Variants in GOT1L1 observed in about 807,000 individuals in gnomAD.
GOT1L1 encodes aspartate aminotransferase, cytoplasmic 2.
Under a neutral mutation model 43.6 loss-of-function variants are expected in GOT1L1, and 38 were observed. The observed-to-expected ratio is 0.87, with a 90% CI of 0.67 to 1.14. The LOEUF is 1.14. GOT1L1 is among the 50% of genes most tolerant of loss of function. The pLI, the probability that GOT1L1 is intolerant of heterozygous loss-of-function variation, is 0.00. For missense variants in GOT1L1, 482 were observed against 504.0 expected (o/e 0.96, Z 0.42); for synonymous variants, 183 against 187.2 (o/e 0.98, Z 0.18).
In GOT1L1 at chr8:37,937,468, G is replaced by A. The variant is rs544994662; in HGVS notation, c.410-82C>T. ...GAGGTACTGGAGTGTGGGGCTGAGA[G>A]TCACTGGCTGAAGGTGGGACATTAA... On this transcript the variant is annotated intron_variant, in intron 3 of 8. Coordinates refer to ENST00000307599, the MANE Select transcript of GOT1L1 (RefSeq NM_152413.3). 72 of 1,052,336 alleles carry A rather than the reference G, an allele frequency of 6.8e-5. No individual in the cohort carries two copies. In the South Asian group the frequency reaches 1.0e-3, roughly 15 times the overall value. The allele number at this position is 1,052,336 out of a possible 1,614,324, so 65.2% of individuals were successfully genotyped here.
chr8:37,935,261 G>A, intron 7 of GOT1L1, 46 bp from the exon 8 acceptor site: 3 of 1,529,272 alleles, frequency 2.0e-6, no homozygotes, highest in Non-Finnish European at 2.6e-6. Context: ...GGTCCCCCTT[G>A]CCCTCAAACC....
At chr8:37,935,043 A>AG (rs770053346) in intron 8 of GOT1L1, 30 bp downstream of exon 8, 5 of 1,612,166 alleles carry the variant, frequency 3.1e-6, no homozygotes, top group Non-Finnish European at 4.2e-6. Flanking sequence ...AAGGTCAGAA[A>AG]GGGGGGACAC....
At chr8:37,937,877 C>G (rs1047253766) in intron 2 of GOT1L1, 128 bp from the exon 3 acceptor site, 7 of 627,742 alleles carry the variant, frequency 1.1e-5, no homozygotes, top group African/African-American at 1.8e-5. Context: ...CCCGTATCTA[C>G]TAAAAATACA....
intron 6 of GOT1L1, 113 bp downstream of exon 6, chr8:37,936,607 T>A: frequency 2.2e-6 from 2 of 923,852 alleles, no homozygotes; most frequent in Non-Finnish European, 3.3e-6. Flanking sequence ...TCTATAGTGC[T>A]CTCCCTAGAG....
chr8:37,936,532 G>A (rs137995056), intron 6 of GOT1L1, among the ~76,000 whole-genome samples, 188 bp downstream of exon 6: 5 of 152,102 alleles, frequency 3.3e-5, no homozygotes, highest in Non-Finnish European at 7.4e-5. Context: ...GCCAAGCTGG[G>A]TTGGGTTCTG....
At chr8:37,935,543 G>A (rs1482459546) in intron 7 of GOT1L1, among the ~76,000 whole-genome samples, 161 bp downstream of exon 7, 2 of 152,148 alleles carry the variant, frequency 1.3e-5, no homozygotes, top group Admixed American at 6.5e-5. Flanking sequence ...CATAGCCACC[G>A]CCATTGGTAC....
Position 37,937,891 on chromosome 8 carries a change from A to C in GOT1L1, c.298-142T>G, listed in dbSNP as rs577964647. On this transcript the variant is annotated intron_variant, in intron 2 of 8. Transcript: ENST00000307599. ...CCCCGTATCTACTAAAAATACAAAA[A>C]TTAGCCGGATGTGGTGTTGGGCATG... is the stretch of plus-strand genomic sequence containing the variant. 81 of 592,772 alleles carry C rather than the reference A, an allele frequency of 1.4e-4. 1 individual carries two copies. Among genetic ancestry groups the C allele is most frequent in the South Asian group, 1.0e-3 (55 of 52,904 alleles). 36.7% of individuals were successfully genotyped at this position (592,772 alleles called of 1,614,324 possible). A position where few individuals can be genotyped will look rare whatever the true frequency, so the allele number is the denominator to read the frequency against.
At position 37,934,442 on chromosome 8, in the gene GOT1L1, G is replaced by T; in HGVS notation, c.1117C>A (p.Pro373Thr). ...YLVRKKHIYIPKNGQINFSCI... is the reference protein window; with the variant it reads ...YLVRKKHIYITKNGQINFSCI... Reference sequence around the variant, plus strand: ...CTGAAGTTAATCTGACCGTTCTTGGGGATATAGATGTGCTTCTTCCTGACC... The same window carrying T: ...CTGAAGTTAATCTGACCGTTCTTGGTGATATAGATGTGCTTCTTCCTGACC... The change falls in exon 9 of 9, where the codon CCC (proline) becomes ACC (threonine). Residue 373 changes from proline to threonine, a missense_variant. Pro to Thr is a conservative substitution (Grantham distance 38). Coordinates refer to ENST00000307599, the MANE Select transcript of GOT1L1 (RefSeq NM_152413.3). 6.2e-7 allele frequency: 1 copy of T among 1,613,826 alleles called. No individual in the cohort carries two copies. Among genetic ancestry groups the T allele is most frequent in the South Asian group, 1.1e-5 (1 of 91,064 alleles).
In GOT1L1 at chr8:37,935,121, C is replaced by T; in HGVS notation, c.1024G>A (p.Gly342Ser). 1 of 1,613,728 alleles carries T rather than the reference C, an allele frequency of 6.2e-7. No homozygotes were observed. Among genetic ancestry groups the T allele is most frequent in the Non-Finnish European group, 8.5e-7 (1 of 1,179,802 alleles). ...GTCCCACTCTGCTCGGTGATGTGAC[C>T]CCAGGACCCAGGGGTTCCCAGGAGC... Reference protein sequence around the residue: ...LQLLGTPGSWGHITEQSGTHG... With the variant: ...LQLLGTPGSWSHITEQSGTHG... The change falls in exon 8 of 9, where the codon GGT (glycine) becomes AGT (serine). Residue 342 changes from glycine to serine, a missense_variant. By Grantham distance (56) the Gly-to-Ser change is moderately conservative. Coordinates refer to ENST00000307599, the MANE Select transcript of GOT1L1 (RefSeq NM_152413.3).
intron 8 of GOT1L1, among the ~76,000 whole-genome samples, chr8:37,934,788 C>T (rs1807699564): frequency 6.6e-6 from 1 of 152,058 alleles, no homozygotes; most frequent in Non-Finnish European, 1.5e-5. Context: ...GTTGGCCAGG[C>T]TGGTCTCGAA....
Position 37,936,947 on chromosome 8 carries a change from G to T in GOT1L1, c.612+18C>A. 6.2e-7 allele frequency: 1 copy of T among 1,612,564 alleles called. No homozygotes were observed. The highest frequency in any genetic ancestry group is 8.5e-7 in the Non-Finnish European group (1 of 1,178,630). ...AGAGAGTCAAAGACAGGAAGGTCGGGTGGGAGATTGGGTTTACCTTTATCA... is the reference window on the plus strand; with the variant it reads ...AGAGAGTCAAAGACAGGAAGGTCGGTTGGGAGATTGGGTTTACCTTTATCA... On this transcript the variant is annotated intron_variant, in intron 5 of 8. Transcript: ENST00000307599.
At chr8:37,939,820 G>T in intron 1 of GOT1L1, 95 bp downstream of exon 1, 1 of 1,232,438 alleles carries the variant, frequency 8.1e-7, no homozygotes, top group Non-Finnish European at 1.1e-6. Context: ...ACAGAAGCTT[G>T]GGCTGCACCC....
At chr8:37,938,998 C>T in intron 1 of GOT1L1, 117 bp from the exon 2 acceptor site, 1 of 838,864 alleles carries the variant, frequency 1.2e-6, no homozygotes. Context: ...TGGGAAGGTG[C>T]CTGTGAAAAT....
In GOT1L1 at chr8:37,935,697, C is replaced by T. The variant is rs1429804103; in HGVS notation, c.929+7G>A. ...CCATCCCTTCCTGCTCCAGCCCTCA[C>T]CCTTACCATTCTCCCAGCAGAGCAG... On this transcript the variant is annotated splice_region_variant and intron_variant, in intron 7 of 8. Transcript: ENST00000307599. 1.3e-6 allele frequency: 2 copies of T among 1,575,866 alleles called. No homozygotes were observed. Among genetic ancestry groups the T allele is most frequent in the Non-Finnish European group, 1.7e-6 (2 of 1,161,496 alleles).
chr8:37,937,047 T>C lies in GOT1L1; in HGVS notation c.530A>G (p.His177Arg). ...GTTCCCCATCACAAGGACACAGCCATGTGGGATCTGCTGCAGGTACAGACG... is the reference window on the plus strand; with the variant it reads ...GTTCCCCATCACAAGGACACAGCCACGTGGGATCTGCTGCAGGTACAGACG... ...ILLNVVEQIP[H>R]GCVLVMGNII... is the part of the protein sequence containing the mutation. Residue 177 changes from histidine (H) to arginine (R), a missense_variant, in exon 5 of 9, where the codon CAT becomes CGT. Coordinates refer to ENST00000307599, the MANE Select transcript of GOT1L1 (RefSeq NM_152413.3). The C allele has an allele frequency of 1.9e-6, 3 of 1,613,762 alleles. No homozygotes were observed. Among genetic ancestry groups the C allele is most frequent in the South Asian group, 2.2e-5 (2 of 91,076 alleles).
Position 37,937,634 on chromosome 8 carries a change from T to A in GOT1L1, c.409+4A>T. On this transcript the variant is annotated splice_donor_region_variant and intron_variant, in intron 3 of 8. Coordinates refer to ENST00000307599, the MANE Select transcript of GOT1L1 (RefSeq NM_152413.3). ...CTGTTCCCCTCATCTTGGGTAAGAC[T>A]AACCTTTTTGAGAAGAGATGATGTA... 1.3e-6 allele frequency: 2 copies of A among 1,593,348 alleles called. No homozygotes were observed. Among genetic ancestry groups the A allele is most frequent in the Non-Finnish European group, 1.7e-6 (2 of 1,165,176 alleles).
intron 7 of GOT1L1, 50 bp downstream of exon 7, chr8:37,935,654 A>G (rs1807725996): frequency 5.4e-6 from 8 of 1,474,994 alleles, no homozygotes; most frequent in Non-Finnish European, 7.2e-6. Context: ...GCAGGTCTGC[A>G]GGCACCCAGG....
At chr8:37,935,591 G>T in intron 7 of GOT1L1, 113 bp downstream of exon 7, 1 of 1,006,856 alleles carries the variant, frequency 9.9e-7, no homozygotes, top group Non-Finnish European at 1.4e-6. Context: ...AATGAATGGA[G>T]TAAAAAGGCC....
chr8:37,938,287 C>T (rs760988680), intron 2 of GOT1L1, among the ~76,000 whole-genome samples: 1 of 152,118 alleles, frequency 6.6e-6, no homozygotes, highest in Non-Finnish European at 1.5e-5. Flanking sequence ...ATTCCAGCTA[C>T]TCAGGAGGAT....
Sources: allele counts gnomAD v4.1 joint callset (sites outside exome capture counted in the v4.1 genomes callset), GRCh38; gene constraint gnomAD v4.1.1; transcripts MANE v1.5; gene names NCBI Gene and HGNC (gene_info 2026-07-23, HGNC 2026-07-21).